The following KRTAP9-4 variants were observed in gnomAD, a reference collection of about 807,000 sequenced individuals.
KRTAP9-4 encodes the protein keratin-associated protein 9-4.
KRTAP9-4 carries 8 observed loss-of-function variants against 12.7 expected under a neutral mutation model. The observed-to-expected ratio is 0.63, with a 90% CI of 0.37 to 1.14. KRTAP9-4 has a LOEUF of 1.14. Ranked by LOEUF, KRTAP9-4 falls within the 50% of genes most tolerant of loss-of-function variation. The pLI is 0.01. For missense variants in KRTAP9-4, 188 were observed against 189.1 expected, an observed-to-expected ratio of 0.99 and a Z score of 0.03; for synonymous variants, 81 against 67.3, an observed-to-expected ratio of 1.20 and a Z score of -1.00.
chr17:41,250,171 C>G lies in KRTAP9-4; in HGVS notation c.451C>G (p.Pro151Ala). 3 of 1,614,238 alleles carry G rather than the reference C, an allele frequency of 1.9e-6. No individual in the cohort carries two copies. In the South Asian group the frequency reaches 3.3e-5, roughly 18 times the overall value. ...CACCTGTGTGTCCAGCTGCTGTCAGCCTTTTTGCTGCTGATCAAGTCCCAA... is the reference window on the plus strand; with the variant it reads ...CACCTGTGTGTCCAGCTGCTGTCAGGCTTTTTGCTGCTGATCAAGTCCCAA... ...QPTCVSSCCQPFCC is the reference protein window; with the variant it reads ...QPTCVSSCCQAFCC The change falls in exon 1 of 1, where the codon CCT becomes GCT. Residue 151 changes from proline to alanine, a missense_variant. Coordinates refer to ENST00000334109, the MANE Select transcript of KRTAP9-4 (RefSeq NM_033191.3).
chr17:41,249,983 C>G lies in KRTAP9-4; in HGVS notation c.263C>G (p.Ser88Cys). Residue 88 changes from serine (S) to cysteine (C), a missense_variant, in exon 1 of 1, where the codon TCC becomes TGC. Coordinates refer to ENST00000334109, the MANE Select transcript of KRTAP9-4 (RefSeq NM_033191.3). ...TGCTGCCAGCCCACCTGCTGTGGGT[C>G]CAGCTGTGACCAGAGCAGCTCCTGT... is the stretch of plus-strand genomic sequence containing the variant. The part of the protein sequence containing the change: ...TPCCQPTCCG[S>C]SCDQSSSCAP... 6.2e-7 allele frequency: 1 copy of G among 1,613,550 alleles called. No homozygotes were observed. The highest frequency in any genetic ancestry group is 8.5e-7 in the Non-Finnish European group (1 of 1,179,972).
rs148158895 is a variant in KRTAP9-4 at position 41,249,972 on chromosome 17, C to A, written c.252C>A (p.Thr84=). The A allele has an allele frequency of 1.4e-4, 232 of 1,614,146 alleles. 1 individual carries two copies. In the East Asian group the frequency reaches 4.5e-3, roughly 31 times the overall value. Residue 84 remains threonine (T), a synonymous_variant, in exon 1 of 1, where the codon ACC becomes ACA. Transcript: ENST00000334109. Reference sequence around the variant, plus strand: ...GCAGCACACCCTGCTGCCAGCCCACCTGCTGTGGGTCCAGCTGTGACCAGA... The same window carrying A: ...GCAGCACACCCTGCTGCCAGCCCACATGCTGTGGGTCCAGCTGTGACCAGA... The part of the protein sequence containing the change: ...SCCSTPCCQP[T]CCGSSCDQSS...
Position 41,249,714 on chromosome 17 carries a change from T to G in KRTAP9-4, c.-7T>G. On this transcript the variant is annotated 5_prime_UTR_variant, in exon 1 of 1. Coordinates refer to ENST00000334109, the MANE Select transcript of KRTAP9-4 (RefSeq NM_033191.3). The stretch of plus-strand genomic sequence containing the variant: ...TGAACAGAAGCCCACCCTCTACCCC[T>G]GACACCATGACCCACTGTTGCTCCC... The G allele has an allele frequency of 6.2e-7, 1 of 1,600,968 alleles. No individual in the cohort carries two copies. Among genetic ancestry groups the G allele is most frequent in the Non-Finnish European group, 8.5e-7 (1 of 1,174,276 alleles).
At position 41,250,314 on chromosome 17, in the gene KRTAP9-4, C is replaced by A; in HGVS notation, c.*129C>A. 9.7e-7 allele frequency: 1 copy of A among 1,032,562 alleles called. No individual in the cohort carries two copies. The highest frequency in any genetic ancestry group is 1.6e-5 in the South Asian group (1 of 64,366). The allele number at this position is 1,032,562 out of a possible 1,614,324, so 64.0% of individuals were successfully genotyped here. ...CACCCAAATTTTTATGAATTCTCTA[C>A]CTGTTTAAAATCTTGGGAATCTACT... is the stretch of plus-strand genomic sequence containing the variant. On this transcript the variant is annotated 3_prime_UTR_variant, in exon 1 of 1. Transcript: ENST00000334109.
rs1199399369 is a variant in KRTAP9-4, at chr17:41,249,734, G to A, written c.14G>A (p.Cys5Tyr). MTHCCSPCCQPTCCR... is the reference protein window; with the variant it reads MTHCYSPCCQPTCCR... ...ACCCCTGACACCATGACCCACTGTTGCTCCCCTTGCTGTCAGCCTACATGC... is the reference window on the plus strand; with the variant it reads ...ACCCCTGACACCATGACCCACTGTTACTCCCCTTGCTGTCAGCCTACATGC... The change falls in exon 1 of 1, where the codon TGC becomes TAC. Residue 5 changes from cysteine to tyrosine, a missense_variant. By Grantham distance (194) the Cys-to-Tyr change is radical. Transcript: ENST00000334109. The A allele has an allele frequency of 1.9e-6, 3 of 1,611,388 alleles. No individual in the cohort carries two copies. The highest frequency in any genetic ancestry group is 2.5e-6 in the Non-Finnish European group (3 of 1,179,536).
In KRTAP9-4 at chr17:41,250,457, A is replaced by C; in HGVS notation, c.*272A>C. The C allele has an allele frequency of 1.5e-6, 1 of 648,930 alleles. No individual in the cohort carries two copies. The highest frequency in any genetic ancestry group is 3.0e-5 in the Admixed American group (1 of 33,106). 40.2% of individuals were successfully genotyped at this position (648,930 alleles called of 1,614,324 possible). A position where few individuals can be genotyped will look rare whatever the true frequency, so the allele number is the denominator to read the frequency against. On this transcript the variant is annotated 3_prime_UTR_variant, in exon 1 of 1. Transcript: ENST00000334109. ...GGTCTCAGCTTTGACTCAAAAGTCA[A>C]GAGCTTCATTCTCTGCTTCTAAGGA... is the stretch of plus-strand genomic sequence containing the variant.
In KRTAP9-4 at chr17:41,250,063, G is replaced by T; in HGVS notation, c.343G>T (p.Gly115Cys). The change falls in exon 1 of 1, where the codon GGT becomes TGT. Residue 115 changes from glycine (G) to cysteine (C), a missense_variant. Gly to Cys is a radical substitution (Grantham distance 159). Transcript: ENST00000334109. ...CYYPTTVCLPGCLNQSCGSNC... is the reference protein window; with the variant it reads ...CYYPTTVCLPCCLNQSCGSNC... ...CTACCCCACAACTGTCTGCCTGCCT[G>T]GTTGCCTAAACCAGAGCTGTGGCTC... is the stretch of plus-strand genomic sequence containing the variant. The T allele has an allele frequency of 6.2e-7, 1 of 1,612,706 alleles. No individual in the cohort carries two copies. The highest frequency in any genetic ancestry group is 8.5e-7 in the Non-Finnish European group (1 of 1,179,734).
At position 41,249,699 on chromosome 17, in the gene KRTAP9-4, C is replaced by T. The variant is rs751680006; in HGVS notation, c.-22C>T. 9 of 1,582,284 alleles carry T rather than the reference C, an allele frequency of 5.7e-6. No individual in the cohort carries two copies. Among genetic ancestry groups the T allele is most frequent in the African/African-American group, 2.7e-5 (2 of 74,738 alleles). On this transcript the variant is annotated 5_prime_UTR_variant, in exon 1 of 1. Coordinates refer to ENST00000334109, the MANE Select transcript of KRTAP9-4 (RefSeq NM_033191.3). The stretch of plus-strand genomic sequence containing the variant: ...TGGGAAACTCACCTCTGAACAGAAG[C>T]CCACCCTCTACCCCTGACACCATGA...
rs73305180 is a variant in KRTAP9-4 at position 41,250,461 on chromosome 17, C to T, written c.*276C>T. On this transcript the variant is annotated 3_prime_UTR_variant, in exon 1 of 1. Transcript: ENST00000334109. The stretch of plus-strand genomic sequence containing the variant: ...TCAGCTTTGACTCAAAAGTCAAGAG[C>T]TTCATTCTCTGCTTCTAAGGAATTT... 1 of 290,242 alleles carries T rather than the reference C, an allele frequency of 3.4e-6. No individual in the cohort carries two copies. The highest frequency in any genetic ancestry group is 6.6e-6 in the Non-Finnish European group (1 of 151,180). 18.0% of individuals were successfully genotyped at this position (290,242 alleles called of 1,614,324 possible). A position where few individuals can be genotyped will look rare whatever the true frequency, so the allele number is the denominator to read the frequency against.
Position 41,249,878 on chromosome 17 carries a change from G to C in KRTAP9-4, c.158G>C (p.Arg53Pro). Residue 53 changes from arginine to proline, a missense_variant, in exon 1 of 1, where the codon CGC (arginine) becomes CCC (proline). Physicochemically the swap from Arg to Pro is moderately radical, Grantham distance 103. Transcript: ENST00000334109. ...CVSSCCQPCC[R>P]PTCCQNTCCQ... ...TCCAGCTGCTGCCAGCCTTGCTGCCGCCCAACTTGCTGTCAAAACACCTGC... is the reference window on the plus strand; with the variant it reads ...TCCAGCTGCTGCCAGCCTTGCTGCCCCCCAACTTGCTGTCAAAACACCTGC... 6.5e-7 allele frequency: 1 copy of C among 1,534,568 alleles called. No homozygotes were observed. Among genetic ancestry groups the C allele is most frequent in the East Asian group, 2.3e-5 (1 of 43,088 alleles).
At position 41,250,237 on chromosome 17, in the gene KRTAP9-4, A is replaced by C. The variant is rs1270365736; in HGVS notation, c.*52A>C. On this transcript the variant is annotated 3_prime_UTR_variant, in exon 1 of 1. Transcript: ENST00000334109. ...CACACAACAACTTTCTGCTCAACTG[A>C]CTTATCTTTTGGGGGACTAATTTAA... is the stretch of plus-strand genomic sequence containing the variant. 6.2e-7 allele frequency: 1 copy of C among 1,607,366 alleles called. No individual in the cohort carries two copies. The highest frequency in any genetic ancestry group is 1.7e-5 in the Admixed American group (1 of 59,792).
chr17:41,250,147 A>C lies in KRTAP9-4; in HGVS notation c.427A>C (p.Thr143Pro), dbSNP rs1311443563. ...ACCETTCFQP[T>P]CVSSCCQPFC... ...CTGTGAGACCACTTGCTTCCAGCCC[A>C]CCTGTGTGTCCAGCTGCTGTCAGCC... Residue 143 changes from threonine to proline, a missense_variant, in exon 1 of 1, where the codon ACC becomes CCC. Coordinates refer to ENST00000334109, the MANE Select transcript of KRTAP9-4 (RefSeq NM_033191.3). The C allele has an allele frequency of 1.2e-6, 2 of 1,614,108 alleles. No individual in the cohort carries two copies. Among genetic ancestry groups the C allele is most frequent in the African/African-American group, 1.3e-5 (1 of 74,924 alleles).
rs369823178 is a variant in KRTAP9-4, at chr17:41,250,112, G to T, written c.392G>T (p.Arg131Leu). 1 of 1,614,120 alleles carries T rather than the reference G, an allele frequency of 6.2e-7. No individual in the cohort carries two copies. Among genetic ancestry groups the T allele is most frequent in the Non-Finnish European group, 8.5e-7 (1 of 1,180,018 alleles). Residue 131 changes from arginine to leucine, a missense_variant, in exon 1 of 1, where the codon CGC becomes CTC. By Grantham distance (102) the Arg-to-Leu change is moderately radical. Coordinates refer to ENST00000334109, the MANE Select transcript of KRTAP9-4 (RefSeq NM_033191.3). Reference protein sequence around the residue: ...CGSNCCQPCCRPACCETTCFQ... With the variant: ...CGSNCCQPCCLPACCETTCFQ... ...TCCAACTGCTGCCAGCCCTGCTGCC[G>T]CCCAGCCTGCTGTGAGACCACTTGC...
In KRTAP9-4 at chr17:41,250,381, T is replaced by A; in HGVS notation, c.*196T>A. On this transcript the variant is annotated 3_prime_UTR_variant, in exon 1 of 1. Transcript: ENST00000334109. Reference sequence around the variant, plus strand: ...ACTTCATCCTGATTCTCTTTTTCCTTACACTTTGTGGATCATGTGCCAGCT... The same window carrying A: ...ACTTCATCCTGATTCTCTTTTTCCTAACACTTTGTGGATCATGTGCCAGCT... 4 of 783,312 alleles carry A rather than the reference T, an allele frequency of 5.1e-6. No individual in the cohort carries two copies. The East Asian group carries it at 8.0e-5, about 16-fold the overall frequency. 48.5% of individuals were successfully genotyped at this position (783,312 alleles called of 1,614,324 possible). A position where few individuals can be genotyped will look rare whatever the true frequency, so the allele number is the denominator to read the frequency against.
Position 41,250,024 on chromosome 17 carries a change from A to G in KRTAP9-4, c.304A>G (p.Arg102Gly). ...QSSSCAPVYC[R>G]RTCYYPTTVC... ...CAGCTCCTGTGCACCTGTGTACTGC[A>G]GAAGAACCTGCTACTACCCCACAAC... The change falls in exon 1 of 1, where the codon AGA (arginine) becomes GGA (glycine). Residue 102 changes from arginine (R) to glycine (G), a missense_variant. By Grantham distance (125) the Arg-to-Gly change is moderately radical. Transcript: ENST00000334109. 6.2e-7 allele frequency: 1 copy of G among 1,613,732 alleles called. No individual in the cohort carries two copies. Among genetic ancestry groups the G allele is most frequent in the Admixed American group, 1.7e-5 (1 of 59,952 alleles).
In KRTAP9-4 at chr17:41,249,750, G is replaced by A. The variant is rs12952568; in HGVS notation, c.30G>A (p.Gln10=). Residue 10 remains glutamine, a synonymous_variant, in exon 1 of 1, where the codon CAG becomes CAA. Transcript: ENST00000334109. ...CCCACTGTTGCTCCCCTTGCTGTCA[G>A]CCTACATGCTGCAGGACCACCTGCT... The part of the protein sequence containing the change: MTHCCSPCC[Q]PTCCRTTCCR... 0.085 allele frequency: 136,237 copies of A among 1,611,456 alleles called. 2,797 individuals carry two copies. Among genetic ancestry groups the A allele is most frequent in the Middle Eastern group, 0.096 (447 of 4,648 alleles).
At position 41,250,541 on chromosome 17, in the gene KRTAP9-4, C is replaced by A. The variant is rs187457825; in HGVS notation, c.*356C>A. ...CAATCATATTTTTGTTTTCAATATCCTCCTCATGGTTCTTGTATCCTTCTT... is the reference window on the plus strand; with the variant it reads ...CAATCATATTTTTGTTTTCAATATCATCCTCATGGTTCTTGTATCCTTCTT... On this transcript the variant is annotated 3_prime_UTR_variant, in exon 1 of 1. Transcript: ENST00000334109. 3 of 514,254 alleles carry A rather than the reference C, an allele frequency of 5.8e-6. No homozygotes were observed. The Admixed American group carries it at 1.1e-4, about 19-fold the overall frequency. 31.9% of individuals were successfully genotyped at this position (514,254 alleles called of 1,614,324 possible).
Position 41,250,433 on chromosome 17 carries a change from G to C in KRTAP9-4, c.*248G>C, listed in dbSNP as rs78512482. 68 of 346,118 alleles carry C rather than the reference G, an allele frequency of 2.0e-4. No homozygotes were observed. The highest frequency in any genetic ancestry group is 3.2e-5 in the Non-Finnish European group (6 of 188,172). 21.4% of individuals were successfully genotyped at this position (346,118 alleles called of 1,614,324 possible). On this transcript the variant is annotated 3_prime_UTR_variant, in exon 1 of 1. Transcript: ENST00000334109. Reference sequence around the variant, plus strand: ...CGTGTGTTCTCAATTTTGAGTCATGGTCTCAGCTTTGACTCAAAAGTCAAG... The same window carrying C: ...CGTGTGTTCTCAATTTTGAGTCATGCTCTCAGCTTTGACTCAAAAGTCAAG...
chr17:41,249,900 C>G lies in KRTAP9-4; in HGVS notation c.180C>G (p.Thr60=). The change falls in exon 1 of 1, where the codon ACC becomes ACG. Residue 60 remains threonine, a synonymous_variant. Transcript: ENST00000334109. The part of the protein sequence containing the change: ...PCCRPTCCQN[T]CCQPTCVTSC... Reference sequence around the variant, plus strand: ...GCCGCCCAACTTGCTGTCAAAACACCTGCTGCCAGCCCACCTGTGTGACCA... The same window carrying G: ...GCCGCCCAACTTGCTGTCAAAACACGTGCTGCCAGCCCACCTGTGTGACCA... 6.2e-7 allele frequency: 1 copy of G among 1,612,704 alleles called. No homozygotes were observed. The highest frequency in any genetic ancestry group is 8.5e-7 in the Non-Finnish European group (1 of 1,179,128).
Sources: allele counts gnomAD v4.1 joint callset, GRCh38; gene constraint gnomAD v4.1.1; transcripts MANE v1.5; gene names NCBI Gene and HGNC (gene_info 2026-07-23, HGNC 2026-07-21).